The following MACF1 variants were observed in gnomAD, a reference collection of about 807,000 sequenced individuals.
MACF1 encodes the protein microtubule actin crosslinking factor 1.
A neutral mutation model predicts 854.8 loss-of-function variants in MACF1; 193 were observed. That is an observed-to-expected ratio of 0.23 (90% CI 0.20 to 0.25). The LOEUF is 0.25. Among genes scored for constraint, MACF1 ranks in the 10% least tolerant of loss-of-function variants. MACF1 has a pLI of 1.00. For synonymous variants in MACF1, 3,185 were observed against 3,226.7 expected (o/e 0.99, Z 0.44); for missense variants, 7,722 against 8,929.1 (o/e 0.86, Z 5.45).
chr1:39,229,388 G>A (rs1020917307), intron 1 of MACF1, among the ~76,000 whole-genome samples: 2 of 152,264 alleles, frequency 1.3e-5, no homozygotes, highest in African/African-American at 4.8e-5. Context: ...ATATTCACCT[G>A]GGATGTAGAA....
In MACF1 at chr1:39,425,484, G is replaced by A. The variant is rs141606932; in HGVS notation, c.16316+1290G>A. Among the ~76,000 whole-genome samples the A allele has an allele frequency of 7.9e-5, 12 of 152,188 alleles. No individual in the cohort carries two copies. The East Asian group carries it at 1.5e-3, about 20-fold the overall frequency. ...TTATGAGGCTGACACACTGCCTGCC[G>A]TGCTAAGAAGGTGCTTAAAATAAAA... On this transcript the variant is annotated intron_variant, in intron 61 of 100. Coordinates refer to ENST00000564288, the MANE Select transcript of MACF1 (RefSeq NM_001394062.1).
chr1:39,337,402 C>G, intron 38 of MACF1, 71 bp downstream of exon 38: 1 of 1,517,154 alleles, frequency 6.6e-7, no homozygotes, highest in Non-Finnish European at 9.0e-7. Context: ...TTGAAGATTT[C>G]AAGACTTACT....
intron 49 of MACF1, among the ~76,000 whole-genome samples, chr1:39,364,790 C>A (rs1176669575): frequency 1.3e-5 from 2 of 152,090 alleles, no homozygotes; most frequent in Non-Finnish European, 2.9e-5. Flanking sequence ...CCGCGCCCGG[C>A]CGTAAATGTG....
At chr1:39,450,093 A>G (rs2148677156) in intron 84 of MACF1, among the ~76,000 whole-genome samples, 1 of 151,684 alleles carries the variant, frequency 6.6e-6, no homozygotes, top group Non-Finnish European at 1.5e-5. Flanking sequence ...GGAACTCCTG[A>G]CCTCATGATC....
intron 58 of MACF1, chr1:39,411,978 A>T (rs1352420419): frequency 7.4e-6 from 12 of 1,613,968 alleles, no homozygotes; most frequent in Non-Finnish European, 1.0e-5. Flanking sequence ...GCAAGGAGGA[A>T]TGTGAAAAAG....
intron 44 of MACF1, among the ~76,000 whole-genome samples, chr1:39,355,725 A>T (rs1236004593): frequency 6.6e-6 from 1 of 151,844 alleles, no homozygotes; most frequent in Non-Finnish European, 1.5e-5. Flanking sequence ...TGGCCTCCCA[A>T]AGTGCTGGGA....
intron 97 of MACF1, among the ~76,000 whole-genome samples, chr1:39,474,830 C>T (rs1278423875): frequency 6.6e-6 from 1 of 152,170 alleles, no homozygotes; most frequent in Non-Finnish European, 1.5e-5. Flanking sequence ...GGAGGTGTTG[C>T]TTCAGCCACA....
At chr1:39,164,130 A>G (rs1643860537) in intron 2 of MACF1, among the ~76,000 whole-genome samples, 1 of 152,190 alleles carries the variant, frequency 6.6e-6, no homozygotes, top group South Asian at 2.1e-4. Context: ...TCATTTATTT[A>G]ACATACTCCA....
chr1:39,262,397 C>CAAAAAAAAAAAAAAAAAAAAAAAAAAAAA (rs56376033), intron 6 of MACF1, among the ~76,000 whole-genome samples: 1 of 68,804 alleles, frequency 1.5e-5, no homozygotes, highest in Non-Finnish European at 2.5e-5. Context: ...GACTCCATCA[C>CAAAAAAAAAAAAAAAAAAAAAAAAAAAAA]AAAAAAAAAA....
chr1:39,257,249 C>T (rs1645107363), intron 5 of MACF1, among the ~76,000 whole-genome samples: 1 of 152,154 alleles, frequency 6.6e-6, no homozygotes, highest in Non-Finnish European at 1.5e-5. Context: ...ACTGTTGATT[C>T]ATGCAACAGC....
chr1:39,332,621 A>G lies in MACF1; in HGVS notation c.6033A>G (p.Gln2011=). 5 of 1,614,218 alleles carry G rather than the reference A, an allele frequency of 3.1e-6. No individual in the cohort carries two copies. The highest frequency in any genetic ancestry group is 3.4e-6 in the Non-Finnish European group (4 of 1,180,044). Residue 2011 remains glutamine, a synonymous_variant, in exon 37 of 101, where the codon CAA becomes CAG. Coordinates refer to ENST00000564288, the MANE Select transcript of MACF1 (RefSeq NM_001394062.1). ...CAAAAGTGGTTGAAATTGGGCATCA[A>G]AGGCAAAAAACTCCTGAGGGATTGC... ...SPPKVVEIGH[Q]RQKTPEGLQE...
intron 100 of MACF1, 118 bp from the exon 101 acceptor site, chr1:39,485,420 C>G (rs955011700): frequency 2.5e-6 from 3 of 1,192,020 alleles, no homozygotes; most frequent in African/African-American, 3.1e-5. Flanking sequence ...AACTGGGGTG[C>G]AGAAAGGCTG....
rs1255758297 is a variant in MACF1, at chr1:39,105,324, C to G, written c.220+20886C>G. On this transcript the variant is annotated intron_variant, in intron 2 of 93. Transcript: ENST00000361689. The surrounding 1 kb of genome is among the most constrained non-coding windows in gnomAD (Gnocchi z 5.9). Reference sequence around the variant, plus strand: ...GCCTGGCGCTCCTGACAGGAGGAGCCGCCGCCGCCGCCCGCCGCTGCAGCC... The same window carrying G: ...GCCTGGCGCTCCTGACAGGAGGAGCGGCCGCCGCCGCCCGCCGCTGCAGCC... 1 of 831,076 alleles carries G rather than the reference C, an allele frequency of 1.2e-6. No individual in the cohort carries two copies. Among genetic ancestry groups the G allele is most frequent in the Admixed American group, 6.3e-5 (1 of 15,880 alleles). The allele number at this position is 831,076 out of a possible 1,614,324, so 51.5% of individuals were successfully genotyped here.
chr1:39,173,973 G>A (rs1243179625), intron 2 of MACF1, among the ~76,000 whole-genome samples: 2 of 151,880 alleles, frequency 1.3e-5, no homozygotes, highest in Non-Finnish European at 2.9e-5. Flanking sequence ...CAGAGCCTCT[G>A]AAGGTGCCGT....
chr1:39,413,860 G>A, intron 58 of MACF1: 3 of 1,610,022 alleles, frequency 1.9e-6, no homozygotes, highest in Non-Finnish European at 2.5e-6. Context: ...CACTTCCCCG[G>A]CAGCTTCAGT....
chr1:39,393,428 C>T (rs1319607869), intron 58 of MACF1, among the ~76,000 whole-genome samples: 2 of 151,556 alleles, frequency 1.3e-5, no homozygotes, highest in Non-Finnish European at 1.5e-5. Context: ...CCTGGATGCA[C>T]CTTCATTCAC....
rs11205724 is a variant in MACF1 at position 39,176,146 on chromosome 1, C to T, written c.221-55036C>T. Among the ~76,000 whole-genome samples the T allele has an allele frequency of 7.7e-3, 650 of 84,052 alleles. 6 individuals carry two copies. Among genetic ancestry groups the T allele is most frequent in the African/African-American group, 0.021 (624 of 30,030 alleles). 55.1% of individuals were successfully genotyped at this position (84,052 alleles called of 152,430 possible). A position where few individuals can be genotyped will look rare whatever the true frequency, so the allele number is the denominator to read the frequency against. On this transcript the variant is annotated intron_variant, in intron 2 of 93. Coordinates refer to the MACF1 transcript ENST00000361689. ...AAAAAAAGCCAGGTGTGGTGGCAGG[C>T]GCCTGTAATCCCAGCTACTCAGGAG...
intron 92 of MACF1, among the ~76,000 whole-genome samples, chr1:39,461,353 G>C (rs1018258852): frequency 1.3e-5 from 2 of 152,100 alleles, no homozygotes; most frequent in Non-Finnish European, 2.9e-5. Flanking sequence ...ACTGTGGGTG[G>C]TTGTAATATT....
At chr1:39,095,931 G>A (rs1411352747) in intron 2 of MACF1, among the ~76,000 whole-genome samples, 1 of 152,082 alleles carries the variant, frequency 6.6e-6, no homozygotes, top group Non-Finnish European at 1.5e-5. Flanking sequence ...CACTTTGGGA[G>A]GCCAAGGCAG....
Sources: allele counts gnomAD v4.1 joint callset (sites outside exome capture counted in the v4.1 genomes callset), GRCh38; gene constraint gnomAD v4.1.1; non-coding constraint Gnocchi (gnomAD v3.1); transcripts MANE v1.5; gene names NCBI Gene and HGNC (gene_info 2026-07-23, HGNC 2026-07-21).